Variants in OPCML observed in about 807,000 individuals in gnomAD.
OPCML encodes the protein opioid-binding protein/cell adhesion molecule.
Under a neutral mutation model 37.8 loss-of-function variants are expected in OPCML, and 13 were observed. The ratio of observed to expected loss-of-function variants is 0.34; its 90% CI spans 0.22 to 0.55. OPCML has a LOEUF of 0.55. OPCML is among the 20% of genes least tolerant of loss of function. The pLI is 0.91. For synonymous variants in OPCML, 176 were observed against 168.8 expected (o/e 1.04, Z -0.33); for missense variants, 341 against 435.6 (o/e 0.78, Z 1.93).
At chr11:133,185,894 TATA>T (rs1481690702) in intron 1 of OPCML, among the ~76,000 whole-genome samples, 1 of 152,190 alleles carries the variant, frequency 6.6e-6, no homozygotes, top group African/African-American at 2.4e-5. Flanking sequence ...ATGATGATGG[TATA>T]ATGATTTTTC....
At chr11:133,163,479 A>G (rs1950170726) in intron 1 of OPCML, among the ~76,000 whole-genome samples, 2 of 152,360 alleles carry the variant, frequency 1.3e-5, no homozygotes, top group African/African-American at 2.4e-5. Flanking sequence ...AGGAAGGGGC[A>G]TGTTCATAGA....
intron 3 of OPCML, among the ~76,000 whole-genome samples, chr11:132,583,121 C>T (rs2096465644): frequency 2.0e-5 from 3 of 151,978 alleles, no homozygotes; most frequent in Admixed American, 2.0e-4. Context: ...GTGACAGGAT[C>T]ACAACTCTGC....
intron 1 of OPCML, among the ~76,000 whole-genome samples, chr11:133,488,309 A>C (rs1349322316): frequency 6.6e-6 from 1 of 152,168 alleles, no homozygotes; most frequent in East Asian, 1.9e-4. Flanking sequence ...AAATTGGAAA[A>C]GAAGAAGTCA....
At chr11:132,890,312 G>A (rs1943590774) in intron 2 of OPCML, among the ~76,000 whole-genome samples, 1 of 152,082 alleles carries the variant, frequency 6.6e-6, no homozygotes, top group Non-Finnish European at 1.5e-5. Context: ...CTCAGCTTCT[G>A]GGGGAGTCAA....
In OPCML at chr11:133,527,112, T is replaced by A. The variant is rs572988287; in HGVS notation, c.61+5152A>T. Among the ~76,000 whole-genome samples the A allele has an allele frequency of 3.9e-5, 6 of 152,264 alleles. No individual in the cohort carries two copies. The South Asian group carries it at 1.2e-3, about 32-fold the overall frequency. On this transcript the variant is annotated intron_variant, in intron 1 of 7. Transcript: ENST00000524381. The stretch of plus-strand genomic sequence containing the variant: ...CAAACAGGGCTGCAGGCTGATGGGG[T>A]CCCTGTCCAGCGGACCAGCATCAGA...
At chr11:132,826,587 T>G (rs1216314982) in intron 2 of OPCML, among the ~76,000 whole-genome samples, 2 of 152,212 alleles carry the variant, frequency 1.3e-5, no homozygotes, top group African/African-American at 4.8e-5. Flanking sequence ...AAGAATACTT[T>G]ATGTAACATG....
intron 4 of OPCML, among the ~76,000 whole-genome samples, chr11:132,526,486 A>G (rs1397791555): frequency 6.6e-6 from 1 of 152,132 alleles, no homozygotes; most frequent in Non-Finnish European, 1.5e-5. Context: ...GAGACATTCT[A>G]GGTTTTAATA....
chr11:133,062,856 C>A (rs1591964926), intron 1 of OPCML, among the ~76,000 whole-genome samples: 1 of 152,242 alleles, frequency 6.6e-6, no homozygotes, highest in East Asian at 1.9e-4. Context: ...TCCACAGCAG[C>A]CTCCCTAGGA....
chr11:132,647,696 A>G (rs1941225253), intron 3 of OPCML, among the ~76,000 whole-genome samples: 1 of 152,136 alleles, frequency 6.6e-6, no homozygotes, highest in South Asian at 2.1e-4. Flanking sequence ...GAGGAGGAAG[A>G]GGAGGGGTAG....
At chr11:132,965,680 G>A (rs1403969645) in intron 1 of OPCML, among the ~76,000 whole-genome samples, 1 of 151,986 alleles carries the variant, frequency 6.6e-6, no homozygotes, top group Non-Finnish European at 1.5e-5. Context: ...CTCCATGCAA[G>A]GGCCACCACG....
At chr11:133,350,805 GCTT>G (rs760159010) in intron 1 of OPCML, among the ~76,000 whole-genome samples, 1 of 152,162 alleles carries the variant, frequency 6.6e-6, no homozygotes, top group Non-Finnish European at 1.5e-5. Context: ...ATGACAGGCA[GCTT>G]CTTCTCTCTG....
At chr11:133,085,650 G>T (rs897602106) in intron 1 of OPCML, among the ~76,000 whole-genome samples, 1 of 152,200 alleles carries the variant, frequency 6.6e-6, no homozygotes, top group African/African-American at 2.4e-5. Context: ...GATGAGAAAG[G>T]AGTGCTATGT....
At chr11:133,231,573 A>G (rs930696012) in intron 1 of OPCML, among the ~76,000 whole-genome samples, 1 of 152,176 alleles carries the variant, frequency 6.6e-6, no homozygotes, top group Non-Finnish European at 1.5e-5. Flanking sequence ...CACCTCTCAC[A>G]GCACCTAGCT....
At chr11:132,607,455 C>T (rs1938374774) in intron 3 of OPCML, among the ~76,000 whole-genome samples, 1 of 152,214 alleles carries the variant, frequency 6.6e-6, no homozygotes, top group South Asian at 2.1e-4. Context: ...GGAGGAACTC[C>T]TCAGTAACTA....
intron 1 of OPCML, among the ~76,000 whole-genome samples, chr11:133,098,763 G>A (rs1949042108): frequency 6.6e-6 from 1 of 152,102 alleles, no homozygotes; most frequent in Non-Finnish European, 1.5e-5. Context: ...TTAAGAATAA[G>A]TCAGAGATGT....
At chr11:133,406,516 A>G (rs1343222054) in intron 1 of OPCML, among the ~76,000 whole-genome samples, 1 of 152,234 alleles carries the variant, frequency 6.6e-6, no homozygotes, top group Admixed American at 6.5e-5. Context: ...GATAAGAAAA[A>G]TCATTTACTG....
At chr11:133,417,997 C>G (rs1332205724) in intron 1 of OPCML, 1 of 869,112 alleles carries the variant, frequency 1.2e-6, no homozygotes. Flanking sequence ...CCTTGCGAGA[C>G]GTAGGCAATT....
At chr11:132,857,091 C>T (rs776363340) in intron 2 of OPCML, among the ~76,000 whole-genome samples, 8 of 152,196 alleles carry the variant, frequency 5.3e-5, no homozygotes, top group Non-Finnish European at 1.2e-4. Flanking sequence ...ACCATTTTTA[C>T]ATTCACACCA....
intron 2 of OPCML, among the ~76,000 whole-genome samples, chr11:132,836,122 G>A (rs546803849): frequency 3.9e-5 from 6 of 152,216 alleles, no homozygotes; most frequent in East Asian, 1.9e-4. Flanking sequence ...GAACATAAAC[G>A]GCCTCCATGT....
Sources: gnomAD v4.1 joint callset for allele counts (sites outside exome capture counted in the v4.1 genomes callset) on GRCh38, gnomAD v4.1.1 for gene constraint, MANE v1.5 for transcripts, NCBI Gene and HGNC (gene_info 2026-07-23, HGNC 2026-07-21) for gene names.